Variants in ATP2B2 observed in about 807,000 individuals in gnomAD.
The protein encoded by ATP2B2 is ATPase plasma membrane Ca2+ transporting 2.
A neutral mutation model predicts 120.0 loss-of-function variants in ATP2B2; 15 were observed. The observed-to-expected ratio is 0.12, with a 90% CI of 0.08 to 0.19. ATP2B2 has a LOEUF of 0.19. Ranked by LOEUF, ATP2B2 falls within the 10% of genes least tolerant of loss-of-function variation. ATP2B2 has a pLI of 1.00. For synonymous variants in ATP2B2, 694 were observed against 700.3 expected (o/e 0.99, Z 0.14); for missense variants, 1,045 against 1,719.8 (o/e 0.61, Z 6.94).
At chr3:10,383,255 C>T (rs1211241457) in intron 8 of ATP2B2, among the ~76,000 whole-genome samples, 1 of 152,000 alleles carries the variant, frequency 6.6e-6, no homozygotes, top group Non-Finnish European at 1.5e-5. Context: ...CATTATTTCC[C>T]AGAGTATATT....
intron 2 of ATP2B2, among the ~76,000 whole-genome samples, chr3:10,617,565 G>A (rs995083340): frequency 9.2e-5 from 14 of 152,254 alleles, no homozygotes; most frequent in Non-Finnish European, 1.9e-4. Flanking sequence ...AAGGCACAAA[G>A]GGGTGGAGTC....
chr3:10,570,035 G>C (rs1006377032), intron 2 of ATP2B2: 2 of 152,136 alleles, frequency 1.3e-5, no homozygotes, highest in African/African-American at 4.8e-5. Flanking sequence ...ATTGCCCCTA[G>C]GACACTGGTC....
At chr3:10,378,205 G>A (rs765677124) in intron 10 of ATP2B2, 47 bp downstream of exon 10, 66 of 1,589,912 alleles carry the variant, frequency 4.2e-5, no homozygotes, top group Non-Finnish European at 5.5e-5. Flanking sequence ...CTCTGCCTGG[G>A]GTCCCCCTGT....
intron 2 of ATP2B2, among the ~76,000 whole-genome samples, chr3:10,573,874 A>G (rs1215643010): frequency 6.6e-6 from 1 of 152,178 alleles, no homozygotes; most frequent in Non-Finnish European, 1.5e-5. Flanking sequence ...CTGTCAGCCC[A>G]GCAAATACGG....
chr3:10,459,775 A>G (rs1466179034), intron 1 of ATP2B2, among the ~76,000 whole-genome samples: 9 of 152,250 alleles, frequency 5.9e-5, no homozygotes, highest in Non-Finnish European at 1.0e-4. Context: ...AGCTTGTTTA[A>G]TCCTTCACAA....
intron 2 of ATP2B2, among the ~76,000 whole-genome samples, chr3:10,596,336 T>C (rs1407045189): frequency 6.6e-6 from 1 of 152,228 alleles, no homozygotes. Context: ...AGGGACTCTG[T>C]GGGTATGAAC....
chr3:10,332,286 A>G, intron 22 of ATP2B2: 1 of 501,376 alleles, frequency 2.0e-6, no homozygotes, highest in East Asian at 3.0e-5. Flanking sequence ...TTATCTGTCT[A>G]GCAAGGTACG....
chr3:10,660,147 A>G (rs1444580344), intron 1 of ATP2B2, among the ~76,000 whole-genome samples: 1 of 152,258 alleles, frequency 6.6e-6, no homozygotes, highest in Non-Finnish European at 1.5e-5. Flanking sequence ...AGAAATCGGG[A>G]AAGATCTAAA....
chr3:10,453,382 T>C (rs2064134856), intron 1 of ATP2B2, among the ~76,000 whole-genome samples: 1 of 152,206 alleles, frequency 6.6e-6, no homozygotes, highest in South Asian at 2.1e-4. Context: ...AAAAGCGCTT[T>C]ATGAGACCTA....
At chr3:10,699,282 G>A (rs570194730) in intron 1 of ATP2B2, among the ~76,000 whole-genome samples, 34 of 152,322 alleles carry the variant, frequency 2.2e-4, no homozygotes, top group Non-Finnish European at 4.4e-4. Flanking sequence ...TCATCACAGT[G>A]TTGTCTATAA....
intron 1 of ATP2B2, among the ~76,000 whole-genome samples, chr3:10,673,918 T>C (rs1469309906): frequency 6.6e-6 from 1 of 150,560 alleles, no homozygotes; most frequent in East Asian, 1.9e-4. Context: ...ACAAAAATGA[T>C]GGTATCAGGG....
At chr3:10,356,566 G>A (rs751114436) in intron 14 of ATP2B2, among the ~76,000 whole-genome samples, 1 of 152,202 alleles carries the variant, frequency 6.6e-6, no homozygotes, top group Non-Finnish European at 1.5e-5. Flanking sequence ...GTTTGGGCCT[G>A]CCTGTGTCTT....
chr3:10,424,874 T>A (rs537064084), intron 2 of ATP2B2, among the ~76,000 whole-genome samples: 2 of 152,180 alleles, frequency 1.3e-5, no homozygotes, highest in Admixed American at 1.3e-4. Context: ...ACTATATATA[T>A]GTAAATGTGT....
intron 1 of ATP2B2, among the ~76,000 whole-genome samples, chr3:10,452,877 T>A (rs1473571580): frequency 6.6e-6 from 1 of 152,184 alleles, no homozygotes; most frequent in Admixed American, 6.5e-5. Context: ...AAGCAACAAG[T>A]CTGGATTGGG....
At chr3:10,482,376 A>G (rs40325) in intron 1 of ATP2B2, among the ~76,000 whole-genome samples, 81,983 of 152,090 alleles carry the variant, frequency 0.54, 23,226 homozygotes, top group African/African-American at 0.6. Context: ...TCCACAGCAC[A>G]CCTCTGTCAC....
chr3:10,525,849 G>C (rs950034717), intron 3 of ATP2B2, among the ~76,000 whole-genome samples: 1 of 151,292 alleles, frequency 6.6e-6, no homozygotes, highest in Non-Finnish European at 1.5e-5. Context: ...TCTCCAATTT[G>C]CCACAGTCCC....
At chr3:10,658,826 G>A (rs2070706716) in intron 1 of ATP2B2, among the ~76,000 whole-genome samples, 1 of 151,910 alleles carries the variant, frequency 6.6e-6, no homozygotes, top group South Asian at 2.1e-4. Context: ...AGGAAAAAAT[G>A]TTAAGGGCAG....
chr3:10,454,892 C>T (rs191655770), intron 1 of ATP2B2, among the ~76,000 whole-genome samples: 2 of 152,276 alleles, frequency 1.3e-5, no homozygotes, highest in East Asian at 3.9e-4. Flanking sequence ...CTTTCCTGAC[C>T]ACCTAGACTG....
intron 13 of ATP2B2, among the ~76,000 whole-genome samples, chr3:10,359,169 C>T (rs988580925): frequency 6.6e-6 from 1 of 152,166 alleles, no homozygotes; most frequent in Non-Finnish European, 1.5e-5. Flanking sequence ...AATAACACTC[C>T]CACAGCTGAA....
Sources: gnomAD v4.1 joint callset for allele counts (sites outside exome capture counted in the v4.1 genomes callset) on GRCh38, gnomAD v4.1.1 for gene constraint, MANE v1.5 for transcripts, NCBI Gene and HGNC (gene_info 2026-07-23, HGNC 2026-07-21) for gene names.